The following QRICH2 variants were observed in gnomAD, a reference collection of about 807,000 sequenced individuals.
QRICH2 encodes glutamine rich 2.
A neutral mutation model predicts 168.3 loss-of-function variants in QRICH2; 119 were observed. That is an observed-to-expected ratio of 0.71 (90% CI 0.61 to 0.82). The LOEUF (loss-of-function observed/expected upper bound fraction) is 0.82. Among genes scored for constraint, QRICH2 ranks in the 40% least tolerant of loss-of-function variants. QRICH2 has a pLI of 0.00. For synonymous variants in QRICH2, 894 were observed against 951.2 expected (o/e 0.94, Z 1.11); for missense variants, 2,241 against 2,491.6 (o/e 0.90, Z 2.14).
Position 76,282,133 on chromosome 17 carries a change from G to A in QRICH2, c.4012-18C>T, listed in dbSNP as rs376225803. 419 of 1,586,750 alleles carry A rather than the reference G, an allele frequency of 2.6e-4. 2 individuals carry two copies. The highest frequency in any genetic ancestry group is 1.3e-3 in the Admixed American group (75 of 59,310). ...TTGTCCAACTGCGTGCAGGAGAGACGGCAGCAGCAGGGCAGTGAGGCCAGT... is the reference window on the plus strand; with the variant it reads ...TTGTCCAACTGCGTGCAGGAGAGACAGCAGCAGCAGGGCAGTGAGGCCAGT... On this transcript the variant is annotated intron_variant, in intron 7 of 18. Coordinates refer to ENST00000680821, the MANE Select transcript of QRICH2 (RefSeq NM_001388453.1).
Position 76,287,043 on chromosome 17 carries a change from A to AACACACAC in QRICH2, c.4011+141_4011+148dup, listed in dbSNP as rs56258903. ...CCCACCCCCTGCCCACACACCACATAACACACACACACACACACACACACA... is the reference window on the plus strand; with the variant it reads ...CCCACCCCCTGCCCACACACCACATAACACACACACACACACACACACACACACACACA... On this transcript the variant is annotated intron_variant, in intron 7 of 18. Coordinates refer to ENST00000680821, the MANE Select transcript of QRICH2 (RefSeq NM_001388453.1). 1,481 of 202,798 alleles carry AACACACAC rather than the reference A, an allele frequency of 7.3e-3. 12 individuals are homozygous for AACACACAC. The highest frequency in any genetic ancestry group is 9.3e-3 in the South Asian group (196 of 21,170). The allele number at this position is 202,798 out of a possible 1,614,324, so 12.6% of individuals were successfully genotyped here.
At chr17:76,306,734 A>G (rs1300258132) in intron 1 of QRICH2, among the ~76,000 whole-genome samples, 1 of 151,982 alleles carries the variant, frequency 6.6e-6, no homozygotes, top group Non-Finnish European at 1.5e-5. Flanking sequence ...TAAAAACACA[A>G]ATATTAGCCA....
chr17:76,287,369 G>A, intron 6 of QRICH2, 63 bp from the exon 7 acceptor site: 1 of 1,207,076 alleles, frequency 8.3e-7, no homozygotes, highest in Non-Finnish European at 1.2e-6. Flanking sequence ...CAGAGCCTGG[G>A]CCATCAGGGA....
In QRICH2 at chr17:76,280,199, TA is replaced by T. The variant is rs2070761504; in HGVS notation, c.4627-46del. 1.9e-6 allele frequency: 3 copies of T among 1,608,074 alleles called. No individual in the cohort carries two copies. Among genetic ancestry groups the T allele is most frequent in the Non-Finnish European group, 2.6e-6 (3 of 1,176,334 alleles). On this transcript the variant is annotated intron_variant, in intron 11 of 18. Transcript: ENST00000680821. This position sits in a 1 kb window ranked among gnomAD's most constrained non-coding sequence, Gnocchi z 7.4. Reference sequence around the variant, plus strand: ...GCCAGGGGACCTCTAAGGAAGCAGGTAGGGGGCTGACCCAGGAGAAGGTGGT... The same window carrying T: ...GCCAGGGGACCTCTAAGGAAGCAGGTGGGGGCTGACCCAGGAGAAGGTGGT...
intron 7 of QRICH2, among the ~76,000 whole-genome samples, chr17:76,283,746 T>C (rs1488509540): frequency 3.5e-5 from 5 of 142,420 alleles, no homozygotes; most frequent in African/African-American, 9.2e-5. Context: ...TGCTGGTGGG[T>C]GCCTGTAGTC....
At position 76,291,091 on chromosome 17, in the gene QRICH2, C is replaced by T. The variant is rs2070978906; in HGVS notation, c.3636G>A (p.Glu1212=). The change falls in exon 4 of 19, where the codon GAG becomes GAA. Residue 1212 remains glutamate (E), a synonymous_variant. Transcript: ENST00000680821. ...ELSSLYVGLK[E]SMKDLDEEQA... is the part of the protein sequence containing the mutation. Reference sequence around the variant, plus strand: ...GCTCCTCATCCAGATCCTTCATACTCTCCTTTAGCCCCACATAGAGGCTAC... The same window carrying T: ...GCTCCTCATCCAGATCCTTCATACTTTCCTTTAGCCCCACATAGAGGCTAC... 6.2e-7 allele frequency: 1 copy of T among 1,614,238 alleles called. No homozygotes were observed. Among genetic ancestry groups the T allele is most frequent in the Non-Finnish European group, 8.5e-7 (1 of 1,180,048 alleles).
chr17:76,280,741 A>C lies in QRICH2; in HGVS notation c.4387-13T>G, dbSNP rs1399120955. 1.2e-6 allele frequency: 2 copies of C among 1,614,138 alleles called. No individual in the cohort carries two copies. Among genetic ancestry groups the C allele is most frequent in the Admixed American group, 1.7e-5 (1 of 60,020 alleles). On this transcript the variant is annotated splice_polypyrimidine_tract_variant and intron_variant, in intron 9 of 18. Transcript: ENST00000680821. This position sits in a 1 kb window ranked among gnomAD's most constrained non-coding sequence, Gnocchi z 7.4. ...CCTGGTACAGCATCTGGGGAGGCCAAGTGAACAGAGAAAAAAAGAGCCAGC... is the reference window on the plus strand; with the variant it reads ...CCTGGTACAGCATCTGGGGAGGCCACGTGAACAGAGAAAAAAAGAGCCAGC...
chr17:76,277,076 G>C, intron 16 of QRICH2, 87 bp downstream of exon 16: 4 of 1,395,018 alleles, frequency 2.9e-6, no homozygotes, highest in Non-Finnish European at 1.9e-6. Context: ...AGGGCTGGCT[G>C]ATTTTCTGGT....
chr17:76,297,870 G>GTTTTTGTTTT, intron 3 of QRICH2, among the ~76,000 whole-genome samples: 2 of 79,492 alleles, frequency 2.5e-5, no homozygotes, highest in East Asian at 3.8e-4. Flanking sequence ...TTAGGAATCT[G>GTTTTTGTTTT]TTTTTTTTTT....
At position 76,281,003 on chromosome 17, in the gene QRICH2, A is replaced by C. The variant is rs754317562; in HGVS notation, c.4264-50T>G. The C allele has an allele frequency of 5.7e-5, 89 of 1,574,958 alleles. No homozygotes were observed. Among genetic ancestry groups the C allele is most frequent in the Non-Finnish European group, 4.3e-5 (50 of 1,167,176 alleles). ...TCTCGGAGGCTGCTGGCGCGATCCCACCCCCTGCTGCCATAATATTGCTGC... is the reference window on the plus strand; with the variant it reads ...TCTCGGAGGCTGCTGGCGCGATCCCCCCCCCTGCTGCCATAATATTGCTGC... On this transcript the variant is annotated intron_variant, in intron 8 of 18. Coordinates refer to ENST00000680821, the MANE Select transcript of QRICH2 (RefSeq NM_001388453.1). This position sits in a 1 kb window ranked among gnomAD's most constrained non-coding sequence, Gnocchi z 4.4.
At position 76,292,042 on chromosome 17, in the gene QRICH2, A is replaced by ATT. The variant is rs2071003948; in HGVS notation, c.2684_2685insAA (p.Ala896MetfsTer22). 1 of 1,614,058 alleles carries ATT rather than the reference A, an allele frequency of 6.2e-7. No individual in the cohort carries two copies. Among genetic ancestry groups the ATT allele is most frequent in the Non-Finnish European group, 8.5e-7 (1 of 1,180,022 alleles). On this transcript the variant is annotated frameshift_variant, in exon 4 of 19. Transcript: ENST00000680821. LOFTEE classifies it high-confidence loss of function. ...GCTGGACCAAACCAGGCTGATCTGC[A>ATT]CCAGGTTGGATCAAACCACGCTGGT...
At position 76,304,453 on chromosome 17, in the gene QRICH2, C is replaced by T. The variant is rs72868914; in HGVS notation, c.667G>A (p.Glu223Lys). Residue 223 changes from glutamate (E) to lysine (K), a missense_variant, in exon 3 of 19, where the codon GAG (glutamate) becomes AAG (lysine). By Grantham distance (56) the Glu-to-Lys change is moderately conservative. Coordinates refer to ENST00000680821, the MANE Select transcript of QRICH2 (RefSeq NM_001388453.1). ...CTCCAGCCGTCCGTAATCGCCTGCT[C>T]CAGCTCTTCCCAGGTGACCATGGTG... ...EVTMVTWEELEQAITDGWRAS... is the reference protein window; with the variant it reads ...EVTMVTWEELKQAITDGWRAS... 1.3e-4 allele frequency: 204 copies of T among 1,613,820 alleles called. No homozygotes were observed. The highest frequency in any genetic ancestry group is 1.6e-4 in the Non-Finnish European group (192 of 1,180,008).
In QRICH2 at chr17:76,281,862, A is replaced by C. The variant is rs1598480974; in HGVS notation, c.4263+2T>G. On this transcript the variant is annotated splice_donor_variant, in intron 8 of 18. Coordinates refer to ENST00000680821, the MANE Select transcript of QRICH2 (RefSeq NM_001388453.1). LOFTEE classifies it high-confidence loss of function. The surrounding 1 kb of genome is among the most constrained non-coding windows in gnomAD (Gnocchi z 4.4). ...GCAGGAGGGAGGCGAGCAGAGCCCC[A>C]CCTGTCTCTGGAGCTTGGCCTTCTT... 4 of 1,612,092 alleles carry C rather than the reference A, an allele frequency of 2.5e-6. No homozygotes were observed. Among genetic ancestry groups the C allele is most frequent in the Non-Finnish European group, 3.4e-6 (4 of 1,179,154 alleles).
intron 7 of QRICH2, among the ~76,000 whole-genome samples, chr17:76,284,219 G>T (rs1194803571): frequency 7.8e-6 from 1 of 128,634 alleles, no homozygotes; most frequent in Non-Finnish European, 1.5e-5. Context: ...TTCCTGACAT[G>T]AACCCGCTTG....
intron 1 of QRICH2, among the ~76,000 whole-genome samples, chr17:76,306,150 CAG>C (rs2070986976): frequency 9.1e-6 from 1 of 109,858 alleles, no homozygotes; most frequent in Non-Finnish European, 1.7e-5. Flanking sequence ...GCCTGGGTGA[CAG>C]AGTGAGAATG....
chr17:76,286,370 T>G (rs540701078), intron 7 of QRICH2, among the ~76,000 whole-genome samples: 1 of 152,236 alleles, frequency 6.6e-6, no homozygotes, highest in South Asian at 2.1e-4. Flanking sequence ...CTTGAAAACA[T>G]CATGCTAAGT....
chr17:76,303,224 T>A (rs1277084378), intron 3 of QRICH2, among the ~76,000 whole-genome samples: 2 of 152,086 alleles, frequency 1.3e-5, no homozygotes, highest in African/African-American at 4.8e-5. Context: ...CCTCTGAGAA[T>A]GAGCCCTGAA....
rs1290099656 is a variant in QRICH2, at chr17:76,278,029, G to C, written c.5077C>G (p.Leu1693Val). 1 of 1,613,606 alleles carries C rather than the reference G, an allele frequency of 6.2e-7. No individual in the cohort carries two copies. Among genetic ancestry groups the C allele is most frequent in the Non-Finnish European group, 8.5e-7 (1 of 1,180,044 alleles). Residue 1693 changes from leucine (L) to valine (V), a missense_variant, in exon 15 of 19, where the codon CTG becomes GTG. Transcript: ENST00000680821. ...GAGCCCAGGCACTGGGCGTGCAGCA[G>C]CTCGCGGATTATCTGGCTGCTGGCC... ...TKASSQIIRE[L>V]LHAQCLGSPC...
At chr17:76,297,527 A>C (rs1195273522) in intron 3 of QRICH2, among the ~76,000 whole-genome samples, 2 of 152,100 alleles carry the variant, frequency 1.3e-5, no homozygotes, top group African/African-American at 4.8e-5. Flanking sequence ...AAAAATACAA[A>C]AATATGTACC....
Sources: allele counts gnomAD v4.1 joint callset (sites outside exome capture counted in the v4.1 genomes callset), GRCh38; gene constraint gnomAD v4.1.1; non-coding constraint Gnocchi (gnomAD v3.1); transcripts MANE v1.5; gene names NCBI Gene and HGNC (gene_info 2026-07-23, HGNC 2026-07-21).